MTCL1: variants seen among roughly 807,000 people sequenced by gnomAD.
The protein encoded by MTCL1 is microtubule cross-linking factor 1.
In MTCL1, 79 loss-of-function variants were observed where a neutral mutation model predicts 141.4. The observed-to-expected ratio is 0.56, with a 90% CI of 0.47 to 0.67. The LOEUF (loss-of-function observed/expected upper bound fraction) is 0.67. Among genes scored for constraint, MTCL1 ranks in the 30% least tolerant of loss-of-function variants. The probability of loss-of-function intolerance (pLI) is 0.00; values close to 1 mark genes in which losing one functional copy is unlikely to be tolerated. For synonymous variants in MTCL1, 914 were observed against 875.8 expected (o/e 1.04, Z -0.77); for missense variants, 2,177 against 2,113.9 (o/e 1.03, Z -0.59).
intron 4 of MTCL1, among the ~76,000 whole-genome samples, chr18:8,745,887 C>T (rs549039129): frequency 4.5e-4 from 69 of 152,290 alleles, no homozygotes; most frequent in African/African-American, 1.6e-3. Flanking sequence ...AACAACAAGT[C>T]TCCATTCTTC....
intron 4 of MTCL1, among the ~76,000 whole-genome samples, chr18:8,754,397 A>G (rs1567980985): frequency 6.6e-6 from 1 of 152,216 alleles, no homozygotes. Context: ...GCAAGCATCT[A>G]TAAAATAACC....
intron 4 of MTCL1, among the ~76,000 whole-genome samples, chr18:8,770,014 A>C (rs1317980926): frequency 6.6e-6 from 1 of 152,216 alleles, no homozygotes; most frequent in East Asian, 1.9e-4. Context: ...TTTGCTAAAG[A>C]AAGGCAAAGA....
At chr18:8,734,154 C>A (rs1020677740) in intron 4 of MTCL1, among the ~76,000 whole-genome samples, 3 of 152,050 alleles carry the variant, frequency 2.0e-5, no homozygotes, top group African/African-American at 7.2e-5. Flanking sequence ...ATCCTGTGGA[C>A]TGCAGGATGC....
Position 8,801,312 on chromosome 18 carries a change from C to CTT in MTCL1, c.2436+3035_2436+3036dup, listed in dbSNP as rs34443749. Among the ~76,000 whole-genome samples the CTT allele has an allele frequency of 1.2e-3, 167 of 143,264 alleles. 2 individuals carry two copies. The South Asian group carries it at 0.016, about 13-fold the overall frequency. 94.0% of individuals were successfully genotyped at this position (143,264 alleles called of 152,430 possible). On this transcript the variant is annotated intron_variant, in intron 10 of 16. Coordinates refer to ENST00000359865, the Ensembl canonical transcript of MTCL1. Reference sequence around the variant, plus strand: ...CACATCAGAACTGTGATCTGCCTGACTTTTTTTTTTTTTTTAATTAGAAAG... The same window carrying CTT: ...CACATCAGAACTGTGATCTGCCTGACTTTTTTTTTTTTTTTTTAATTAGAAAG...
chr18:8,789,646 G>C, intron 7 of MTCL1: 2 of 985,426 alleles, frequency 2.0e-6, no homozygotes, highest in Non-Finnish European at 2.4e-6. Context: ...TCGGAAACAA[G>C]TGAGGGTGGT....
intron 4 of MTCL1, among the ~76,000 whole-genome samples, chr18:8,752,406 C>T (rs879850327): frequency 6.6e-6 from 1 of 152,100 alleles, no homozygotes; most frequent in East Asian, 1.9e-4. Context: ...ACTTTTAAAT[C>T]GAATTTTTTT....
intron 16 of MTCL1, chr18:8,829,801 C>T: frequency 2.0e-6 from 2 of 985,300 alleles, no homozygotes; most frequent in Non-Finnish European, 2.4e-6. Context: ...CATGCAGCGA[C>T]CACAGTGGCT....
Position 8,828,435 on chromosome 18 carries a change from C to T in MTCL1, c.4723-473C>T, listed in dbSNP as rs1282068914. 6.6e-6 allele frequency among the ~76,000 whole-genome samples: 1 copy of T among 152,198 alleles called. No individual in the cohort carries two copies. Among genetic ancestry groups the T allele is most frequent in the Non-Finnish European group, 1.5e-5 (1 of 68,038 alleles). On this transcript the variant is annotated intron_variant, in intron 15 of 16. Coordinates refer to ENST00000359865, the Ensembl canonical transcript of MTCL1. The surrounding 1 kb of genome is among the most constrained non-coding windows in gnomAD (Gnocchi z 5.2). ...TGAAAATGGAATGCTCTTCCTCCCTCCCCTAAGTGGAAAATGTGAGGGGAA... is the reference window on the plus strand; with the variant it reads ...TGAAAATGGAATGCTCTTCCTCCCTTCCCTAAGTGGAAAATGTGAGGGGAA...
chr18:8,717,880 G>A, intron 1 of MTCL1: 1 of 989,540 alleles, frequency 1.0e-6, no homozygotes, highest in South Asian at 4.6e-5. Context: ...TTAAAATAAT[G>A]GAAAATGTCT....
chr18:8,709,164 T>G (rs2096073412), intron 1 of MTCL1, among the ~76,000 whole-genome samples: 2 of 151,664 alleles, frequency 1.3e-5, no homozygotes, highest in African/African-American at 4.8e-5. Flanking sequence ...ACTTCTCTTT[T>G]TGTTATTTTC....
At chr18:8,797,470 C>T (rs1253107431) in intron 9 of MTCL1, among the ~76,000 whole-genome samples, 1 of 152,232 alleles carries the variant, frequency 6.6e-6, no homozygotes, top group Non-Finnish European at 1.5e-5. Context: ...GCCTTGCTTC[C>T]TGGCACACCC....
At position 8,779,574 on chromosome 18, in the gene MTCL1, C is replaced by T. The variant is rs546603577; in HGVS notation, c.417+1682C>T. Among the ~76,000 whole-genome samples, 3 of 152,276 alleles carry T rather than the reference C, an allele frequency of 2.0e-5. No individual in the cohort carries two copies. Among genetic ancestry groups the T allele is most frequent in the East Asian group, 1.9e-4 (1 of 5,166 alleles). ...AGGCCGAGCTCAGCTTCCCTCAGGC[C>T]GCCCCTCTCCTGTACACAACACCCG... On this transcript the variant is annotated intron_variant, in intron 5 of 16. Transcript: ENST00000359865. The surrounding 1 kb of genome is among the most constrained non-coding windows in gnomAD (Gnocchi z 4.1).
chr18:8,756,396 TG>T (rs2096399140), intron 4 of MTCL1, among the ~76,000 whole-genome samples: 1 of 148,150 alleles, frequency 6.7e-6, no homozygotes, highest in African/African-American at 2.5e-5. Context: ...TGTGTATATA[TG>T]TATATATGTG....
rs2096524175 is a variant in MTCL1, at chr18:8,779,146, G to A, written c.417+1254G>A. Among the ~76,000 whole-genome samples, 2 of 152,230 alleles carry A rather than the reference G, an allele frequency of 1.3e-5. No individual in the cohort carries two copies. Among genetic ancestry groups the A allele is most frequent in the Non-Finnish European group, 2.9e-5 (2 of 68,044 alleles). ...GGGCAGTCACCCGCTCAGGGTGCTGGCTGGACGGCTGACTTGCAAGCCAAA... is the reference window on the plus strand; with the variant it reads ...GGGCAGTCACCCGCTCAGGGTGCTGACTGGACGGCTGACTTGCAAGCCAAA... On this transcript the variant is annotated intron_variant, in intron 5 of 16. Transcript: ENST00000359865. This position sits in a 1 kb window ranked among gnomAD's most constrained non-coding sequence, Gnocchi z 4.1.
chr18:8,805,333 C>G (rs2076262462), intron 10 of MTCL1, among the ~76,000 whole-genome samples: 1 of 152,098 alleles, frequency 6.6e-6, no homozygotes, highest in Non-Finnish European at 1.5e-5. Context: ...TGTTTGGCTC[C>G]CACATATAAG....
chr18:8,819,051 G>A lies in MTCL1; in HGVS notation c.2948G>A (p.Ser983Asn), dbSNP rs774883097. The A allele has an allele frequency of 8.7e-6, 14 of 1,614,142 alleles. No individual in the cohort carries two copies. In the South Asian group the frequency reaches 1.2e-4, roughly 14 times the overall value. The change falls in exon 13 of 17, where the codon AGC becomes AAC. Residue 983 changes from serine to asparagine, a missense_variant. Coordinates refer to ENST00000359865, the Ensembl canonical transcript of MTCL1. ...GTTCGCCCCTTTCCCCACCAGGGAAGCCTCCGCATGCCCCGTCCAGTGGCC... is the reference window on the plus strand; with the variant it reads ...GTTCGCCCCTTTCCCCACCAGGGAAACCTCCGCATGCCCCGTCCAGTGGCC...
At position 8,810,798 on chromosome 18, in the gene MTCL1, T is replaced by C. The variant is rs1366647797; in HGVS notation, c.2605-2181T>C. ...TTATTTTCCCCAGATTTACATTTTA[T>C]AAATAATTGATCAAGAAGCGTCACC... On this transcript the variant is annotated intron_variant, in intron 11 of 16. Coordinates refer to ENST00000359865, the Ensembl canonical transcript of MTCL1. The surrounding 1 kb of genome is among the most constrained non-coding windows in gnomAD (Gnocchi z 5.0). Among the ~76,000 whole-genome samples the C allele has an allele frequency of 6.6e-6, 1 of 152,202 alleles. No homozygotes were observed. The highest frequency in any genetic ancestry group is 1.5e-5 in the Non-Finnish European group (1 of 68,046).
chr18:8,766,185 A>G (rs1296461081), intron 4 of MTCL1, among the ~76,000 whole-genome samples: 1 of 152,254 alleles, frequency 6.6e-6, no homozygotes, highest in Non-Finnish European at 1.5e-5. Context: ...GATGCTGCAC[A>G]CAAGAAAGGC....
intron 4 of MTCL1, among the ~76,000 whole-genome samples, chr18:8,726,441 C>T (rs566946827): frequency 6.6e-6 from 1 of 150,414 alleles, no homozygotes; most frequent in Non-Finnish European, 1.5e-5. Context: ...TGTGTTTTCA[C>T]ATGGCAGAGA....
Sources: allele counts gnomAD v4.1 joint callset (sites outside exome capture counted in the v4.1 genomes callset), GRCh38; gene constraint gnomAD v4.1.1; non-coding constraint Gnocchi (gnomAD v3.1); transcripts MANE v1.5; gene names NCBI Gene and HGNC (gene_info 2026-07-23, HGNC 2026-07-21).